The following ANP32A variants were observed in gnomAD, a reference collection of about 807,000 sequenced individuals.
ANP32A encodes acidic leucine-rich nuclear phosphoprotein 32 family member A.
Under a neutral mutation model 33.9 loss-of-function variants are expected in ANP32A, and 1 was observed. The observed-to-expected ratio is 0.03, with a 90% confidence interval of 0.01 to 0.14. The LOEUF (loss-of-function observed/expected upper bound fraction) is 0.14. Among genes scored for constraint, ANP32A ranks in the 10% least tolerant of loss-of-function variants. The probability of loss-of-function intolerance (pLI) is 1.00; values close to 1 mark genes in which losing one functional copy is unlikely to be tolerated. For synonymous variants in ANP32A, 115 were observed against 120.5 expected (o/e 0.95, Z 0.30); for missense variants, 155 against 306.0 (o/e 0.51, Z 3.68).
At position 68,779,890 on chromosome 15, in the gene ANP32A, T is replaced by A; in HGVS notation, c.*191A>T. On this transcript the variant is annotated 3_prime_UTR_variant, in exon 7 of 7. Coordinates refer to ENST00000465139, the MANE Select transcript of ANP32A (RefSeq NM_006305.4). ...ATAAAGAGTGGCAGTAAAAATAGTA[T>A]TTTATTCCACCCCCACCCGCCATCC... 1 of 561,998 alleles carries A rather than the reference T, an allele frequency of 1.8e-6. No individual in the cohort carries two copies. Among genetic ancestry groups the A allele is most frequent in the Non-Finnish European group, 3.1e-6 (1 of 319,916 alleles). The allele number at this position is 561,998 out of a possible 1,614,324, so 34.8% of individuals were successfully genotyped here.
At chr15:68,809,719 C>G (rs549523981) in intron 1 of ANP32A, among the ~76,000 whole-genome samples, 1 of 151,336 alleles carries the variant, frequency 6.6e-6, no homozygotes, top group Middle Eastern at 3.4e-3. Context: ...GTGTGCGCTT[C>G]GTTTCAGTGG....
intron 3 of ANP32A, 193 bp downstream of exon 3, chr15:68,787,220 A>G: frequency 1.4e-6 from 1 of 726,366 alleles, no homozygotes; most frequent in Non-Finnish European, 2.2e-6. Context: ...GACCTTGGTC[A>G]AGGTATTTAA....
chr15:68,816,935 A>G (rs180840262), intron 1 of ANP32A, among the ~76,000 whole-genome samples: 2 of 152,312 alleles, frequency 1.3e-5, no homozygotes, highest in African/African-American at 2.4e-5. Context: ...TGTAGTTAAT[A>G]TCATGCTACT....
chr15:68,783,171 C>T (rs1238807633), intron 4 of ANP32A, 118 bp from the exon 5 acceptor site: 7 of 1,454,402 alleles, frequency 4.8e-6, no homozygotes, highest in Non-Finnish European at 6.4e-6. Context: ...CCCACACCCA[C>T]CTAAGTCCAA....
intron 1 of ANP32A, among the ~76,000 whole-genome samples, chr15:68,819,803 C>T (rs1041707492): frequency 1.3e-5 from 2 of 152,186 alleles, no homozygotes; most frequent in Non-Finnish European, 2.9e-5. Flanking sequence ...GGCAGGGAGA[C>T]GCGGGGATTA....
chr15:68,820,140 C>A (rs1295612437), intron 1 of ANP32A, among the ~76,000 whole-genome samples: 3 of 152,090 alleles, frequency 2.0e-5, no homozygotes, highest in Non-Finnish European at 4.4e-5. Flanking sequence ...CCACATTTAT[C>A]AGAAACTAAA....
At chr15:68,788,638 ATTAAT>A (rs1893963002) in intron 1 of ANP32A, among the ~76,000 whole-genome samples, 2 of 152,350 alleles carry the variant, frequency 1.3e-5, no homozygotes, top group African/African-American at 2.4e-5. Context: ...TTTAATTTCA[ATTAAT>A]TTAAGTGTAA....
chr15:68,782,201 CCAACA>C (rs1893877875), intron 5 of ANP32A, among the ~76,000 whole-genome samples: 1 of 152,176 alleles, frequency 6.6e-6, no homozygotes, highest in Admixed American at 6.5e-5. Context: ...AACACAAAAC[CCAACA>C]CAGTGCCAGG....
chr15:68,787,999 G>A (rs1215691780), intron 1 of ANP32A, 80 bp from the exon 2 acceptor site: 4 of 1,544,128 alleles, frequency 2.6e-6, no homozygotes, highest in African/African-American at 1.4e-5. Context: ...ACTCCTCAGA[G>A]AACAGGGAGA....
chr15:68,782,693 G>C (rs910736923), intron 5 of ANP32A: 1 of 508,996 alleles, frequency 2.0e-6, no homozygotes, highest in Non-Finnish European at 3.4e-6. Context: ...TAGAAACAAC[G>C]GCCAGGCTTA....
At chr15:68,807,368 GGGGCAA>G (rs1894245702) in intron 1 of ANP32A, among the ~76,000 whole-genome samples, 1 of 151,972 alleles carries the variant, frequency 6.6e-6, no homozygotes. Context: ...GAAGAGGCCC[GGGGCAA>G]GGGGATGCCT....
intron 3 of ANP32A, among the ~76,000 whole-genome samples, chr15:68,785,281 G>A (rs1567034241): frequency 6.6e-6 from 1 of 152,180 alleles, no homozygotes; most frequent in East Asian, 1.9e-4. Flanking sequence ...GATGTGCTCT[G>A]TCAAAGCTTT....
At chr15:68,810,268 G>C (rs1037143991) in intron 1 of ANP32A, among the ~76,000 whole-genome samples, 1 of 152,218 alleles carries the variant, frequency 6.6e-6, no homozygotes, top group South Asian at 2.1e-4. Context: ...CATTACATGT[G>C]TGTTTTGATA....
At chr15:68,817,368 C>T (rs1894397043) in intron 1 of ANP32A, 1 of 152,310 alleles carries the variant, frequency 6.6e-6, no homozygotes, top group African/African-American at 2.4e-5. Context: ...CCACCTGAAA[C>T]ACGGAGCTCG....
chr15:68,808,580 C>T (rs1266814009), intron 1 of ANP32A, among the ~76,000 whole-genome samples: 1 of 152,246 alleles, frequency 6.6e-6, no homozygotes, highest in Non-Finnish European at 1.5e-5. Flanking sequence ...CAGTGGACTC[C>T]CCTCACCCGT....
At chr15:68,786,495 G>A (rs941720250) in intron 3 of ANP32A, among the ~76,000 whole-genome samples, 1 of 152,022 alleles carries the variant, frequency 6.6e-6, no homozygotes, top group African/African-American at 2.4e-5. Context: ...CTTGACCTCA[G>A]GTGATCCACC....
chr15:68,799,343 T>C (rs1210616651), intron 1 of ANP32A, among the ~76,000 whole-genome samples: 1 of 152,130 alleles, frequency 6.6e-6, no homozygotes, highest in Non-Finnish European at 1.5e-5. Context: ...TTGGCAGGTA[T>C]TGCTGAACTT....
chr15:68,792,784 A>G (rs986924798), intron 1 of ANP32A, among the ~76,000 whole-genome samples: 2 of 152,142 alleles, frequency 1.3e-5, no homozygotes, highest in East Asian at 1.9e-4. Flanking sequence ...GCTCGACCCA[A>G]CTGGCTCCAT....
chr15:68,798,029 C>T (rs1894085574), intron 1 of ANP32A, among the ~76,000 whole-genome samples: 1 of 152,210 alleles, frequency 6.6e-6, no homozygotes, highest in Non-Finnish European at 1.5e-5. Flanking sequence ...CCCACTAAAA[C>T]CACTCTTAGA....
Sources: gnomAD v4.1 joint callset for allele counts (sites outside exome capture counted in the v4.1 genomes callset) on GRCh38, gnomAD v4.1.1 for gene constraint, MANE v1.5 for transcripts, NCBI Gene and HGNC (gene_info 2026-07-23, HGNC 2026-07-21) for gene names.